The following FLACC1 variants were observed in gnomAD, a reference collection of about 807,000 sequenced individuals.
The protein encoded by FLACC1 is flagellum-associated coiled-coil domain-containing protein 1.
A neutral mutation model predicts 62.8 loss-of-function variants in FLACC1; 66 were observed. The observed-to-expected ratio is 1.05, with a 90% CI of 0.86 to 1.29. FLACC1 has a LOEUF of 1.29. Ranked by LOEUF, FLACC1 falls within the 50% of genes most tolerant of loss-of-function variation. The probability of loss-of-function intolerance (pLI) is 0.00; values close to 1 mark genes in which losing one functional copy is unlikely to be tolerated. For missense variants in FLACC1, 452 were observed against 489.1 expected, an observed-to-expected ratio of 0.92 and a Z score of 0.71; for synonymous variants, 156 against 161.0, an observed-to-expected ratio of 0.97 and a Z score of 0.24.
Position 201,307,520 on chromosome 2 carries a change from T to G in FLACC1, c.878A>C (p.Glu293Ala). The G allele has an allele frequency of 1.2e-6, 2 of 1,613,280 alleles. No individual in the cohort carries two copies. The highest frequency in any genetic ancestry group is 2.7e-5 in the African/African-American group (2 of 75,030). The change falls in exon 11 of 15, where the codon GAG (glutamate) becomes GCG (alanine). Residue 293 changes from glutamate to alanine, a missense_variant and splice_region_variant. By Grantham distance (107) the Glu-to-Ala change is moderately radical. This residue lies in a region of FLACC1 where 301 missense variants were observed against 318.4 expected (regional missense o/e 0.95). Coordinates refer to ENST00000392257, the MANE Select transcript of FLACC1 (RefSeq NM_001127391.3). ...AVFENFIQEKEELLKQHQSDT... is the reference protein window; with the variant it reads ...AVFENFIQEKAELLKQHQSDT... ...CCAAGGTGCTTTGGGCTGAGTTACC[T>G]CCTTCTCTTGAATGAAGTTCTCAAA...
rs1280172964 is a variant in FLACC1 at position 201,344,340 on chromosome 2, T to A, written c.369-77A>T. Reference sequence around the variant, plus strand: ...ATTCAGGCCCCTGAGCATGACTGACTCTGGCATGGTGAGAGCTGGCCTGGT... The same window carrying A: ...ATTCAGGCCCCTGAGCATGACTGACACTGGCATGGTGAGAGCTGGCCTGGT... On this transcript the variant is annotated intron_variant, in intron 5 of 14. Transcript: ENST00000392257. The A allele has an allele frequency of 8.0e-6, 10 of 1,246,890 alleles. No homozygotes were observed. In the East Asian group the frequency reaches 1.9e-4, roughly 23 times the overall value. 77.2% of individuals were successfully genotyped at this position (1,246,890 alleles called of 1,614,324 possible).
intron 9 of FLACC1, among the ~76,000 whole-genome samples, chr2:201,311,718 AG>A (rs773349585): frequency 4.6e-5 from 7 of 151,502 alleles, no homozygotes; most frequent in Non-Finnish European, 8.8e-5. Flanking sequence ...AAAAAAAAAA[AG>A]TTAATTCACC....
Position 201,330,761 on chromosome 2 carries a change from C to T in FLACC1, c.597G>A (p.Glu199=). 1 of 1,613,978 alleles carries T rather than the reference C, an allele frequency of 6.2e-7. No homozygotes were observed. The highest frequency in any genetic ancestry group is 8.5e-7 in the Non-Finnish European group (1 of 1,179,990). The change falls in exon 8 of 15, where the codon GAG becomes GAA. Residue 199 remains glutamate, a synonymous_variant. Coordinates refer to ENST00000392257, the MANE Select transcript of FLACC1 (RefSeq NM_001127391.3). ...ENNYKAALKA[E]KLAAQEKLEE... ...CTAGCTTCTCTTGGGCAGCCAACTT[C>T]TCTGCCTTCAAGGCTGCTTTGTAGT...
At chr2:201,336,505 T>C (rs1476816529) in intron 7 of FLACC1, among the ~76,000 whole-genome samples, 4 of 152,184 alleles carry the variant, frequency 2.6e-5, no homozygotes, top group African/African-American at 9.7e-5. Flanking sequence ...ATGATTTACA[T>C]TCCTTTGAGT....
At chr2:201,312,697 G>C (rs1214018900) in intron 9 of FLACC1, among the ~76,000 whole-genome samples, 1 of 152,064 alleles carries the variant, frequency 6.6e-6, no homozygotes, top group Non-Finnish European at 1.5e-5. Flanking sequence ...CTACAGAGAT[G>C]GTGGACGGGA....
At chr2:201,331,411 C>A (rs1950592598) in intron 7 of FLACC1, among the ~76,000 whole-genome samples, 1 of 152,150 alleles carries the variant, frequency 6.6e-6, no homozygotes, top group African/African-American at 2.4e-5. Flanking sequence ...TTGTCTATAG[C>A]TTGCTCGGGA....
chr2:201,291,086 G>A (rs576014583), intron 12 of FLACC1, among the ~76,000 whole-genome samples: 4 of 152,200 alleles, frequency 2.6e-5, no homozygotes, highest in African/African-American at 7.2e-5. Context: ...TGCCTCTGTA[G>A]ACTCCACCTC....
chr2:201,323,091 T>C (rs1198736127), intron 9 of FLACC1, among the ~76,000 whole-genome samples: 6 of 152,118 alleles, frequency 3.9e-5, no homozygotes, highest in Non-Finnish European at 5.9e-5. Context: ...AAATATGGGA[T>C]TATGTTAAAC....
At chr2:201,322,926 CACTT>C (rs1189426338) in intron 9 of FLACC1, among the ~76,000 whole-genome samples, 2 of 152,024 alleles carry the variant, frequency 1.3e-5, no homozygotes, top group African/African-American at 2.4e-5. Context: ...ATGAAAGACA[CACTT>C]AGGGAATACA....
chr2:201,309,338 C>T lies in FLACC1; in HGVS notation c.676-88G>A, dbSNP rs1436180660. 17 of 972,268 alleles carry T rather than the reference C, an allele frequency of 1.7e-5. No individual in the cohort carries two copies. The East Asian group carries it at 3.8e-4, about 22-fold the overall frequency. The allele number at this position is 972,268 out of a possible 1,614,324, so 60.2% of individuals were successfully genotyped here. A position where few individuals can be genotyped will look rare whatever the true frequency, so the allele number is the denominator to read the frequency against. ...TGTAAAACTCAACTCAGGGAGGACT[C>T]CTCTTGGCATTGCACAGTGGCCAGG... On this transcript the variant is annotated intron_variant, in intron 9 of 14. Transcript: ENST00000392257.
chr2:201,337,168 T>C (rs937793913), intron 7 of FLACC1, among the ~76,000 whole-genome samples: 2 of 152,244 alleles, frequency 1.3e-5, no homozygotes, highest in Non-Finnish European at 1.5e-5. Flanking sequence ...TTTTTTGTTT[T>C]TGTTGCCTGT....
At chr2:201,295,612 A>G (rs1472629675) in intron 12 of FLACC1, among the ~76,000 whole-genome samples, 1 of 152,222 alleles carries the variant, frequency 6.6e-6, no homozygotes, top group African/African-American at 2.4e-5. Context: ...CAAGGACTTC[A>G]TGTCTAAAAC....
intron 12 of FLACC1, among the ~76,000 whole-genome samples, chr2:201,297,706 T>G (rs1949894818): frequency 6.6e-6 from 1 of 152,208 alleles, no homozygotes; most frequent in Non-Finnish European, 1.5e-5. Context: ...GTGACCCTTC[T>G]AATAGGTTCT....
At chr2:201,329,390 T>TAAAACAGAA (rs1399912078) in intron 9 of FLACC1, among the ~76,000 whole-genome samples, 3 of 152,112 alleles carry the variant, frequency 2.0e-5, no homozygotes, top group African/African-American at 7.2e-5. Flanking sequence ...GCTTGGAAAT[T>TAAAACAGAA]CTCAAAGAAC....
At chr2:201,337,960 T>C (rs540744268) in intron 7 of FLACC1, among the ~76,000 whole-genome samples, 3 of 152,312 alleles carry the variant, frequency 2.0e-5, no homozygotes, top group Admixed American at 1.3e-4. Context: ...AAAAGTGACA[T>C]TGGTAATTTA....
intron 6 of FLACC1, 69 bp from the exon 7 acceptor site, chr2:201,342,500 A>C: frequency 6.6e-7 from 1 of 1,518,990 alleles, no homozygotes; most frequent in Non-Finnish European, 9.1e-7. Context: ...GCACCTTCTG[A>C]AAAGCCTTCC....
Position 201,289,789 on chromosome 2 carries a change from C to G in FLACC1, c.943-4G>C. On this transcript the variant is annotated splice_region_variant and splice_polypyrimidine_tract_variant and intron_variant, in intron 12 of 14. Transcript: ENST00000392257. ...CATGCAATTCTTCCTGCATGACCTGCATAAGAAGAAGCTGTTGCAGGACAT... is the reference window on the plus strand; with the variant it reads ...CATGCAATTCTTCCTGCATGACCTGGATAAGAAGAAGCTGTTGCAGGACAT... 1 of 1,614,196 alleles carries G rather than the reference C, an allele frequency of 6.2e-7. No homozygotes were observed. The highest frequency in any genetic ancestry group is 8.5e-7 in the Non-Finnish European group (1 of 1,180,030).
chr2:201,330,565 T>TATGC, intron 8 of FLACC1, 43 bp from the exon 9 acceptor site: 4 of 1,597,740 alleles, frequency 2.5e-6, no homozygotes, highest in Non-Finnish European at 3.4e-6. Flanking sequence ...AGTCTTCTGA[T>TATGC]ATGCACATTT....
At chr2:201,357,890 C>T (rs1335327192), upstream of FLACC1, among the ~76,000 whole-genome samples, 2 of 151,864 alleles carry the variant, frequency 1.3e-5, no homozygotes, top group Non-Finnish European at 2.9e-5. Context: ...TTTAGTTTTA[C>T]TGCCACTCAT....
Sources: gnomAD v4.1 joint callset for allele counts (sites outside exome capture counted in the v4.1 genomes callset) on GRCh38, gnomAD v4.1.1 for gene constraint, gnomAD v4.1.1 regional missense constraint, MANE v1.5 for transcripts, NCBI Gene and HGNC (gene_info 2026-07-23, HGNC 2026-07-21) for gene names.